The following ACSM2B variants were observed in gnomAD, a reference collection of about 807,000 sequenced individuals.
The protein encoded by ACSM2B is acyl-coenzyme A synthetase ACSM2B, mitochondrial.
Under a neutral mutation model 78.6 loss-of-function variants are expected in ACSM2B, and 58 were observed. That is an observed-to-expected ratio of 0.74 (90% CI 0.60 to 0.92). The LOEUF (loss-of-function observed/expected upper bound fraction) is 0.92. Among genes scored for constraint, ACSM2B ranks in the 40% least tolerant of loss-of-function variants. ACSM2B has a pLI of 0.00. For synonymous variants in ACSM2B, 257 were observed against 256.8 expected (o/e 1.00, Z -0.01); for missense variants, 688 against 711.2 (o/e 0.97, Z 0.37).
chr16:20,556,252 G>C (rs1340525194), intron 3 of ACSM2B, among the ~76,000 whole-genome samples: 13 of 152,190 alleles, frequency 8.5e-5, no homozygotes, highest in Non-Finnish European at 1.9e-4. Context: ...CTAAATTCTT[G>C]TTCTTCTTTA....
At position 20,564,872 on chromosome 16, in the gene ACSM2B, A is replaced by T. The variant is rs771332578; in HGVS notation, c.-8-19T>A. 1.3e-6 allele frequency: 2 copies of T among 1,592,128 alleles called. No individual in the cohort carries two copies. The highest frequency in any genetic ancestry group is 1.7e-6 in the Non-Finnish European group (2 of 1,168,138). On this transcript the variant is annotated intron_variant, in intron 1 of 13. Transcript: ENST00000329697. ...TTCAGGCCTGTAAAAGAAAGAAGAG[A>T]CACAGGTAAGAGCTTCTTTAACAGA...
At chr16:20,569,195 A>C (rs1256246329) in intron 1 of ACSM2B, among the ~76,000 whole-genome samples, 1 of 151,964 alleles carries the variant, frequency 6.6e-6, no homozygotes, top group Non-Finnish European at 1.5e-5. Context: ...TTATAGTTTC[A>C]GGTCTTAGAT....
rs751510953 is a variant in ACSM2B at position 20,555,423 on chromosome 16, T to C, written c.442A>G (p.Arg148Gly). The part of the protein sequence containing the change: ...IQMKSTDILY[R>G]LQMSKAKAIV... ...GCCTTGGCCTTAGACATCTGCAACC[T>C]ATACAGTATGTCAGTGGATTTCATC... The change falls in exon 4 of 14, where the codon AGG becomes GGG. Residue 148 changes from arginine (R) to glycine (G), a missense_variant. Physicochemically the swap from Arg to Gly is moderately radical, Grantham distance 125. Transcript: ENST00000329697. 2.6e-5 allele frequency: 42 copies of C among 1,613,754 alleles called. No individual in the cohort carries two copies. The highest frequency in any genetic ancestry group is 3.5e-5 in the Non-Finnish European group (41 of 1,179,806).
At chr16:20,549,697 A>T in intron 6 of ACSM2B, 1 of 425,672 alleles carries the variant, frequency 2.3e-6, no homozygotes, top group South Asian at 1.7e-5. Flanking sequence ...ACACGTGCCC[A>T]AGGTGGTCAG....
chr16:20,562,568 A>G (rs2015695867), intron 2 of ACSM2B, among the ~76,000 whole-genome samples: 1 of 152,200 alleles, frequency 6.6e-6, no homozygotes, highest in Admixed American at 6.5e-5. Context: ...TTAACTTTAA[A>G]GCAAGGATGA....
intron 13 of ACSM2B, among the ~76,000 whole-genome samples, chr16:20,540,230 T>TG (rs1274835667): frequency 4.4e-4 from 38 of 86,610 alleles, no homozygotes; most frequent in Admixed American, 1.9e-3. Context: ...TTTTGTTTTT[T>TG]TTTTTTGTTT....
chr16:20,544,805 A>G, intron 10 of ACSM2B: 4 of 1,000,156 alleles, frequency 4.0e-6, no homozygotes, highest in Non-Finnish European at 4.8e-6. Flanking sequence ...TCAACGGCAT[A>G]GATCATGGGG....
chr16:20,569,395 G>C (rs1325049383), intron 1 of ACSM2B, among the ~76,000 whole-genome samples: 2 of 151,478 alleles, frequency 1.3e-5, no homozygotes, highest in East Asian at 1.9e-4. Context: ...TTTATTTCTG[G>C]GTTCTCTATT....
At chr16:20,551,792 C>T (rs753133143) in intron 6 of ACSM2B, among the ~76,000 whole-genome samples, 4 of 152,102 alleles carry the variant, frequency 2.6e-5, no homozygotes, top group African/African-American at 7.2e-5. Context: ...CTCATGAGAG[C>T]GAGATGGCAT....
intron 12 of ACSM2B, 67 bp from the exon 13 acceptor site, chr16:20,540,840 A>T: frequency 6.4e-7 from 1 of 1,574,376 alleles, no homozygotes; most frequent in Non-Finnish European, 8.7e-7. Flanking sequence ...GAATAATGTG[A>T]AATTAGCATT....
intron 6 of ACSM2B, among the ~76,000 whole-genome samples, chr16:20,550,376 A>G (rs939596632): frequency 2.8e-4 from 43 of 152,274 alleles, no homozygotes; most frequent in Non-Finnish European, 5.4e-4. Flanking sequence ...TAGAAGCTCA[A>G]CTTGCAACTA....
intron 2 of ACSM2B, among the ~76,000 whole-genome samples, chr16:20,563,539 G>A (rs1219686831): frequency 6.6e-6 from 1 of 151,910 alleles, no homozygotes; most frequent in Non-Finnish European, 1.5e-5. Context: ...GGTAGTAAGG[G>A]CCTTCCTGAA....
At chr16:20,566,247 T>TTATATATATATATATATA (rs200052689) in intron 1 of ACSM2B, among the ~76,000 whole-genome samples, 1 of 69,982 alleles carries the variant, frequency 1.4e-5, no homozygotes, top group Non-Finnish European at 2.7e-5. Flanking sequence ...TCATGGAAGA[T>TTATATATATATATATATA]TATATATATA....
At chr16:20,568,245 T>C (rs1310696555) in intron 1 of ACSM2B, among the ~76,000 whole-genome samples, 1 of 144,694 alleles carries the variant, frequency 6.9e-6, no homozygotes, top group East Asian at 2.0e-4. Context: ...TTATATATAC[T>C]ATATATAGCC....
chr16:20,558,568 G>A (rs1437724727), intron 3 of ACSM2B, among the ~76,000 whole-genome samples: 2 of 151,776 alleles, frequency 1.3e-5, no homozygotes, highest in Admixed American at 6.6e-5. Context: ...CCTTTGCTTG[G>A]CACAAGCCTC....
rs374224028 is a variant in ACSM2B at position 20,566,659 on chromosome 16, T to TACTATATATACTATATATACTATATATA, written c.-8-1807_-8-1806insTATATATAGTATATATAGTATATATAGT. ...GTATATATATACTATACTATATATATGTATATATAGTATATACATATAGTA... is the reference window on the plus strand; with the variant it reads ...GTATATATATACTATACTATATATATACTATATATACTATATATACTATATATAGTATATATAGTATATACATATAGTA... On this transcript the variant is annotated intron_variant, in intron 1 of 13. Transcript: ENST00000329697. 8.9e-3 allele frequency among the ~76,000 whole-genome samples: 43 copies of TACTATATATACTATATATACTATATATA among 4,826 alleles called. 1 individual carries two copies. Among genetic ancestry groups the TACTATATATACTATATATACTATATATA allele is most frequent in the Non-Finnish European group, 0.014 (35 of 2,560 alleles). 3.2% of individuals were successfully genotyped at this position (4,826 alleles called of 152,430 possible). A position where few individuals can be genotyped will look rare whatever the true frequency, so the allele number is the denominator to read the frequency against.
intron 13 of ACSM2B, among the ~76,000 whole-genome samples, chr16:20,537,684 C>A (rs115694356): frequency 1.3e-5 from 2 of 152,170 alleles, no homozygotes; most frequent in Non-Finnish European, 2.9e-5. Context: ...ATCTGGCTTT[C>A]GCCAGGTCCT....
chr16:20,537,519 G>A (rs534368742), intron 13 of ACSM2B, among the ~76,000 whole-genome samples, 157 bp from the exon 14 acceptor site: 11 of 152,294 alleles, frequency 7.2e-5, no homozygotes, highest in African/African-American at 2.6e-4. Flanking sequence ...GCTCTGGGAT[G>A]AGGACAATAA....
chr16:20,569,584 G>A (rs1050708428), intron 1 of ACSM2B, among the ~76,000 whole-genome samples: 5 of 151,512 alleles, frequency 3.3e-5, no homozygotes, highest in Non-Finnish European at 4.4e-5. Flanking sequence ...ATGAATTTTA[G>A]GATTTTTTTC....
Sources: gnomAD v4.1 joint callset for allele counts (sites outside exome capture counted in the v4.1 genomes callset) on GRCh38, gnomAD v4.1.1 for gene constraint, MANE v1.5 for transcripts, NCBI Gene and HGNC (gene_info 2026-07-23, HGNC 2026-07-21) for gene names.